ALKBH1: variants seen among roughly 807,000 people sequenced by gnomAD.
ALKBH1 encodes nucleic acid dioxygenase ALKBH1.
ALKBH1 carries 31 observed loss-of-function variants against 36.6 expected under a neutral mutation model. The observed-to-expected ratio is 0.85, with a 90% CI of 0.64 to 1.14. The LOEUF is 1.14. Among genes scored for constraint, ALKBH1 ranks in the 50% most tolerant of loss-of-function variants. ALKBH1 has a pLI of 0.00. For synonymous variants in ALKBH1, 183 were observed against 186.6 expected, an observed-to-expected ratio of 0.98 and a Z score of 0.16; for missense variants, 490 against 497.3, an observed-to-expected ratio of 0.99 and a Z score of 0.14.
intron 3 of ALKBH1, among the ~76,000 whole-genome samples, chr14:77,688,547 C>T (rs1409669702): frequency 7.4e-6 from 1 of 134,678 alleles, no homozygotes; most frequent in Non-Finnish European, 1.6e-5. Context: ...AGCCACTGCA[C>T]CCAGCCTTTT....
chr14:77,693,586 G>A (rs528427513), intron 3 of ALKBH1, among the ~76,000 whole-genome samples: 7 of 152,316 alleles, frequency 4.6e-5, no homozygotes, highest in Non-Finnish European at 7.3e-5. Flanking sequence ...TGCTCAGGCT[G>A]CTTTCTCTAC....
chr14:77,703,754 T>C (rs1234631883), intron 2 of ALKBH1, among the ~76,000 whole-genome samples: 2 of 151,826 alleles, frequency 1.3e-5, no homozygotes, highest in Non-Finnish European at 2.9e-5. Context: ...CGCACCACCA[T>C]GCCCAGCTAA....
chr14:77,699,292 C>G (rs985459652), intron 2 of ALKBH1, among the ~76,000 whole-genome samples: 4 of 152,148 alleles, frequency 2.6e-5, no homozygotes, highest in African/African-American at 9.7e-5. Context: ...GACACTGAGC[C>G]GAGAGCCTAA....
intron 1 of ALKBH1, among the ~76,000 whole-genome samples, chr14:77,706,178 A>C (rs78434795): frequency 0.015 from 2,328 of 152,216 alleles, 24 homozygotes; most frequent in Non-Finnish European, 0.025. Context: ...CCAAGTGTGG[A>C]GATTCCTGGA....
chr14:77,697,609 C>A (rs567190714), intron 2 of ALKBH1, among the ~76,000 whole-genome samples: 1 of 146,734 alleles, frequency 6.8e-6, no homozygotes, highest in African/African-American at 2.5e-5. Context: ...ATTATTTATA[C>A]GTTAATAGGT....
chr14:77,704,420 C>T lies in ALKBH1; in HGVS notation c.241G>A (p.Gly81Ser). The T allele has an allele frequency of 6.2e-7, 1 of 1,614,188 alleles. No homozygotes were observed. The highest frequency in any genetic ancestry group is 8.5e-7 in the Non-Finnish European group (1 of 1,180,026). The change falls in exon 2 of 6, where the codon GGT becomes AGT. Residue 81 changes from glycine to serine, a missense_variant. Physicochemically the swap from Gly to Ser is moderately conservative, Grantham distance 56. Transcript: ENST00000216489. ...SVSEQNAYRAGLQPVSKWQAY... is the reference protein window; with the variant it reads ...SVSEQNAYRASLQPVSKWQAY... ...TGCCACTTGCTGACGGGCTGAAGAC[C>T]TGCTCTATATGCATTCTGCTCACTG...
At chr14:77,678,931 C>T (rs1157161930) in intron 4 of ALKBH1, among the ~76,000 whole-genome samples, 1 of 151,858 alleles carries the variant, frequency 6.6e-6, no homozygotes, top group Non-Finnish European at 1.5e-5. Flanking sequence ...TCCTCCCTCC[C>T]CAGCCTCCTG....
intron 3 of ALKBH1, among the ~76,000 whole-genome samples, chr14:77,681,302 C>T (rs1171378201): frequency 6.6e-6 from 1 of 152,166 alleles, no homozygotes; most frequent in Non-Finnish European, 1.5e-5. Flanking sequence ...AGCTCAAAGT[C>T]AGCTGTCGAA....
At chr14:77,676,497 C>G (rs2080206828) in intron 4 of ALKBH1, among the ~76,000 whole-genome samples, 1 of 151,844 alleles carries the variant, frequency 6.6e-6, no homozygotes, top group Non-Finnish European at 1.5e-5. Context: ...AACAGGTGCC[C>G]AAGGAAACAC....
chr14:77,680,646 T>C (rs2139846123), intron 3 of ALKBH1, among the ~76,000 whole-genome samples: 1 of 150,660 alleles, frequency 6.6e-6, no homozygotes, highest in Non-Finnish European at 1.5e-5. Context: ...CAATTACATC[T>C]CATCTGATCA....
rs142816652 is a variant in ALKBH1, at chr14:77,700,490, T to G, written c.292+3879A>C. On this transcript the variant is annotated intron_variant, in intron 2 of 5. Coordinates refer to ENST00000216489, the MANE Select transcript of ALKBH1 (RefSeq NM_006020.3). ...TACCAGTAATCTGATTTTTCATATG[T>G]CTTCTAAAGTAGCTCCAAAATACAT... 1.7e-4 allele frequency among the ~76,000 whole-genome samples: 26 copies of G among 152,322 alleles called. No homozygotes were observed. The East Asian group carries it at 3.9e-3, about 23-fold the overall frequency.
intron 3 of ALKBH1, chr14:77,691,990 C>G (rs2080299618): frequency 6.6e-6 from 1 of 152,124 alleles, no homozygotes; most frequent in Admixed American, 6.5e-5. Flanking sequence ...AACCTATAGA[C>G]CAAGGTTTAA....
chr14:77,696,774 G>A (rs986879935), intron 2 of ALKBH1: 1 of 152,522 alleles, frequency 6.6e-6, no homozygotes. Flanking sequence ...CAAATACGCT[G>A]ACAGATGAGC....
At chr14:77,683,289 A>G in intron 3 of ALKBH1, 1 of 760,240 alleles carries the variant, frequency 1.3e-6, no homozygotes, top group Non-Finnish European at 2.4e-6. Flanking sequence ...TGGGTGGGGC[A>G]GGCTGGCACT....
rs370241077 is a variant in ALKBH1, at chr14:77,707,818, G to C, written c.183+4C>G. ...AGAGACGCGCGCCACTCCTCTCTCT[G>C]TACCTTTTGGGCACCAGGACCCTTG... On this transcript the variant is annotated splice_donor_region_variant and intron_variant, in intron 1 of 5. Coordinates refer to ENST00000216489, the MANE Select transcript of ALKBH1 (RefSeq NM_006020.3). 73 of 1,601,618 alleles carry C rather than the reference G, an allele frequency of 4.6e-5. No individual in the cohort carries two copies. In the African/African-American group the frequency reaches 6.8e-4, roughly 15 times the overall value.
rs902074603 is a variant in ALKBH1, at chr14:77,673,608, G to A, written c.*204C>T. 1.7e-6 allele frequency: 1 copy of A among 590,652 alleles called. No homozygotes were observed. Among genetic ancestry groups the A allele is most frequent in the African/African-American group, 1.9e-5 (1 of 53,722 alleles). The allele number at this position is 590,652 out of a possible 1,614,324, so 36.6% of individuals were successfully genotyped here. On this transcript the variant is annotated 3_prime_UTR_variant, in exon 6 of 6. Coordinates refer to ENST00000216489, the MANE Select transcript of ALKBH1 (RefSeq NM_006020.3). ...TACATTACAGCCAACATGTAACTAG[G>A]AACAGACCATGTCAAACACTTCTCT... is the stretch of plus-strand genomic sequence containing the variant.
chr14:77,691,792 A>C (rs909799208), intron 3 of ALKBH1: 3 of 152,148 alleles, frequency 2.0e-5, no homozygotes, highest in Non-Finnish European at 4.4e-5. Flanking sequence ...GACAGCTGGG[A>C]TTTCTGCAGA....
At chr14:77,691,222 T>C (rs562856345) in intron 3 of ALKBH1, among the ~76,000 whole-genome samples, 1 of 152,382 alleles carries the variant, frequency 6.6e-6, no homozygotes, top group South Asian at 2.1e-4. Context: ...GTATTTTTTT[T>C]TAAATAATTT....
chr14:77,699,413 ATAAG>A (rs1472222007), intron 2 of ALKBH1, among the ~76,000 whole-genome samples: 1 of 152,244 alleles, frequency 6.6e-6, no homozygotes, highest in Non-Finnish European at 1.5e-5. Context: ...GCAATTAACA[ATAAG>A]TAAGTTTATT....
Sources: allele counts gnomAD v4.1 joint callset (sites outside exome capture counted in the v4.1 genomes callset), GRCh38; gene constraint gnomAD v4.1.1; transcripts MANE v1.5; gene names NCBI Gene and HGNC (gene_info 2026-07-23, HGNC 2026-07-21).